Variants in NPM1 observed in about 807,000 individuals in gnomAD.
NPM1 encodes nucleophosmin 1, also known as nucleophosmin.
In NPM1, 1 loss-of-function variant was observed where a neutral mutation model predicts 44.1. That is an observed-to-expected ratio of 0.02 (90% CI 0.01 to 0.11). The LOEUF is 0.11. Among genes scored for constraint, NPM1 ranks in the 10% least tolerant of loss-of-function variants. The pLI is 1.00. For missense variants in NPM1, 197 were observed against 347.8 expected, an observed-to-expected ratio of 0.57 and a Z score of 3.45; for synonymous variants, 126 against 111.8, an observed-to-expected ratio of 1.13 and a Z score of -0.80.
At chr5:171,407,856 T>G (rs1771652229) in intron 10 of NPM1, 82 bp downstream of exon 10, 3 of 819,506 alleles carry the variant, frequency 3.7e-6, no homozygotes, top group Non-Finnish European at 6.1e-6. Context: ...TTTTTAAGTG[T>G]TGGCTCTTTT....
Position 171,400,839 on chromosome 5 carries a change from T to A in NPM1, c.583T>A (p.Ser195Thr). The change falls in exon 8 of 11, where the codon TCT (serine) becomes ACT (threonine). Residue 195 changes from serine to threonine, a missense_variant and splice_region_variant. Physicochemically the swap from Ser to Thr is moderately conservative, Grantham distance 58 (BLOSUM62 1). Coordinates refer to ENST00000296930, the MANE Select transcript of NPM1 (RefSeq NM_002520.7). ...EAEEKAPVKK[S>T]IRDTPAKNAQ... The stretch of plus-strand genomic sequence containing the variant: ...GATTAAGATAAATTTCTAATTGCAG[T>A]CTATACGAGATACTCCAGCCAAAAA... 6.3e-7 allele frequency: 1 copy of A among 1,599,630 alleles called. No individual in the cohort carries two copies. Among genetic ancestry groups the A allele is most frequent in the Non-Finnish European group, 8.6e-7 (1 of 1,168,556 alleles).
chr5:171,392,732 A>G lies in NPM1; in HGVS notation c.375A>G (p.Ser125=). 2 of 1,612,122 alleles carry G rather than the reference A, an allele frequency of 1.2e-6. No individual in the cohort carries two copies. The highest frequency in any genetic ancestry group is 1.7e-6 in the Non-Finnish European group (2 of 1,178,462). ...HLVAVEEDAE[S]EDEEEEDVKL... ...TAGCTGTGGAGGAAGATGCAGAGTC[A>G]GAAGATGAAGAGGAGGAGGATGTGA... The change falls in exon 5 of 11, where the codon TCA becomes TCG. Residue 125 remains serine (S), a synonymous_variant. Transcript: ENST00000296930.
At chr5:171,397,264 G>A (rs934190408) in intron 6 of NPM1, among the ~76,000 whole-genome samples, 2 of 152,092 alleles carry the variant, frequency 1.3e-5, no homozygotes, top group African/African-American at 4.8e-5. Flanking sequence ...ACATTGTATG[G>A]GTATGTTTGG....
intron 6 of NPM1, 116 bp downstream of exon 6, chr5:171,393,094 T>A: frequency 7.7e-7 from 1 of 1,299,634 alleles, no homozygotes; most frequent in Non-Finnish European, 1.0e-6. Context: ...CCATCCTATG[T>A]AATAGTTTAT....
At chr5:171,388,095 G>A in intron 1 of NPM1, 89 bp downstream of exon 1, 1 of 1,145,736 alleles carries the variant, frequency 8.7e-7, no homozygotes, top group Non-Finnish European at 1.3e-6. Context: ...GCTGCAACCG[G>A]GTCTGGTGGA....
rs1466513195 is a variant in NPM1 at position 171,405,364 on chromosome 5, A to G, written c.732A>G (p.Val244=). Residue 244 remains valine (V), a synonymous_variant, in exon 9 of 11, where the codon GTA becomes GTG. Transcript: ENST00000296930. ...AAACACCAAAAGGACCTAGTTCTGT[A>G]GAAGACATTAAAGCAAAAATGCAAG... ...TPKTPKGPSS[V]EDIKAKMQAS... is the part of the protein sequence containing the mutation. 2.5e-6 allele frequency: 4 copies of G among 1,594,546 alleles called. No homozygotes were observed. The highest frequency in any genetic ancestry group is 3.4e-6 in the Non-Finnish European group (4 of 1,166,050).
At chr5:171,408,626 A>T (rs1049220064) in intron 10 of NPM1, among the ~76,000 whole-genome samples, 1 of 152,190 alleles carries the variant, frequency 6.6e-6, no homozygotes. Context: ...GGGCTATAAG[A>T]TGATCAGGTT....
chr5:171,395,751 T>A (rs1279268180), intron 6 of NPM1, among the ~76,000 whole-genome samples: 1 of 152,192 alleles, frequency 6.6e-6, no homozygotes, highest in Non-Finnish European at 1.5e-5. Context: ...AAATCTAACC[T>A]TTTGAACACA....
Position 171,400,933 on chromosome 5 carries a change from G to T in NPM1, c.669+8G>T. 6.3e-7 allele frequency: 1 copy of T among 1,579,072 alleles called. No homozygotes were observed. Among genetic ancestry groups the T allele is most frequent in the Middle Eastern group, 1.7e-4 (1 of 5,992 alleles). On this transcript the variant is annotated splice_region_variant and intron_variant, in intron 8 of 10. Transcript: ENST00000296930. Reference sequence around the variant, plus strand: ...TCAACACCAAGATCAAAAGTAAGTGGCTACATTTACACGTGGGTCTCATTG... The same window carrying T: ...TCAACACCAAGATCAAAAGTAAGTGTCTACATTTACACGTGGGTCTCATTG...
rs1013801591 is a variant in NPM1 at position 171,398,854 on chromosome 5, C to T, written c.525-1299C>T. 1.3e-5 allele frequency among the ~76,000 whole-genome samples: 2 copies of T among 152,174 alleles called. 1 individual carries two copies. The highest frequency in any genetic ancestry group is 4.1e-4 in the South Asian group (2 of 4,832). ...GTAAGAACAGTACAACACTGTTCCT[C>T]TGTGGTTTTTATTTATTTATTTTTT... On this transcript the variant is annotated intron_variant, in intron 6 of 10. Transcript: ENST00000296930.
chr5:171,400,541 C>G (rs1010992297), intron 7 of NPM1, among the ~76,000 whole-genome samples: 54 of 150,756 alleles, frequency 3.6e-4, no homozygotes, highest in Admixed American at 2.5e-3. Flanking sequence ...ACTGCAACTT[C>G]TGCCTCCCGG....
intron 1 of NPM1, 117 bp downstream of exon 1, chr5:171,388,123 G>C: frequency 1.1e-6 from 1 of 942,554 alleles, no homozygotes; most frequent in Non-Finnish European, 1.7e-6. Context: ...AGACCGACGG[G>C]AGGCCTGAGC....
chr5:171,405,553 A>G (rs766531236), intron 9 of NPM1, 150 bp downstream of exon 9: 3 of 641,552 alleles, frequency 4.7e-6, no homozygotes, highest in Non-Finnish European at 8.4e-6. Flanking sequence ...AAAATTTCTT[A>G]TAAAACATTT....
chr5:171,399,063 G>C (rs1771057871), intron 6 of NPM1, among the ~76,000 whole-genome samples: 1 of 152,128 alleles, frequency 6.6e-6, no homozygotes, highest in South Asian at 2.1e-4. Context: ...TAGCCAGGCT[G>C]GTCTCAAACT....
At chr5:171,406,360 AT>A in intron 9 of NPM1, 1 of 1,585,958 alleles carries the variant, frequency 6.3e-7, no homozygotes. Flanking sequence ...CCTCCCCTCC[AT>A]TTTAATATGG....
chr5:171,402,875 A>G (rs1037108254), intron 8 of NPM1, among the ~76,000 whole-genome samples: 2 of 146,434 alleles, frequency 1.4e-5, no homozygotes, highest in Non-Finnish European at 3.0e-5. Context: ...CCTCCTAGCC[A>G]TGCTTCCTAT....
chr5:171,391,879 A>AT, intron 4 of NPM1, 80 bp downstream of exon 4: 1 of 762,208 alleles, frequency 1.3e-6, no homozygotes, highest in Non-Finnish European at 2.2e-6. Context: ...GACTTAAAGC[A>AT]TGGGTATAGT....
At chr5:171,404,057 C>T (rs1413704723) in intron 8 of NPM1, among the ~76,000 whole-genome samples, 2 of 68,868 alleles carry the variant, frequency 2.9e-5, no homozygotes, top group Non-Finnish European at 5.9e-5. Context: ...CCTCACCTCC[C>T]GGACGGGGCG....
At chr5:171,393,774 A>G (rs987859521) in intron 6 of NPM1, among the ~76,000 whole-genome samples, 5 of 152,180 alleles carry the variant, frequency 3.3e-5, no homozygotes, top group African/African-American at 1.2e-4. Context: ...TGGTTCTTCA[A>G]AATCTTTGAG....
Sources: gnomAD v4.1 joint callset for allele counts (sites outside exome capture counted in the v4.1 genomes callset) on GRCh38, gnomAD v4.1.1 for gene constraint, MANE v1.5 for transcripts, NCBI Gene and HGNC (gene_info 2026-07-23, HGNC 2026-07-21) for gene names.